The following RBM6 variants were observed in gnomAD, a reference collection of about 807,000 sequenced individuals.
RBM6 encodes the protein RNA binding motif protein 6, also known as RNA-binding protein 6.
A neutral mutation model predicts 140.4 loss-of-function variants in RBM6; 23 were observed. The ratio of observed to expected loss-of-function variants is 0.16; its 90% confidence interval spans 0.12 to 0.23. The LOEUF is 0.23. Ranked by LOEUF, RBM6 falls within the 10% of genes least tolerant of loss-of-function variation. The pLI is 1.00. For missense variants in RBM6, 1,139 were observed against 1,386.7 expected (o/e 0.82, Z 2.84); for synonymous variants, 439 against 475.6 (o/e 0.92, Z 1.00).
chr3:49,996,317 ATGT>A (rs751710969), intron 5 of RBM6, among the ~76,000 whole-genome samples: 12 of 152,196 alleles, frequency 7.9e-5, no homozygotes, highest in Non-Finnish European at 1.2e-4. Context: ...GAAAGATGGT[ATGT>A]TGTTCTTCAC....
chr3:50,026,840 A>G (rs1436997335), intron 6 of RBM6, among the ~76,000 whole-genome samples: 1 of 146,512 alleles, frequency 6.8e-6, no homozygotes, highest in Non-Finnish European at 1.5e-5. Context: ...CCTGGGAGGC[A>G]GTGAGCAGAG....
At chr3:50,001,526 T>C (rs1380910378) in intron 6 of RBM6, among the ~76,000 whole-genome samples, 1 of 152,142 alleles carries the variant, frequency 6.6e-6, no homozygotes, top group Non-Finnish European at 1.5e-5. Flanking sequence ...CTAGAGATGG[T>C]TTAAAGTATG....
chr3:50,069,893 A>AG (rs1186067509), intron 18 of RBM6, among the ~76,000 whole-genome samples: 2 of 152,120 alleles, frequency 1.3e-5, no homozygotes, highest in East Asian at 1.9e-4. Flanking sequence ...TGTATAGTGG[A>AG]GGGCTTGTGT....
chr3:50,074,617 T>C (rs1575897876), intron 19 of RBM6, among the ~76,000 whole-genome samples: 1 of 152,206 alleles, frequency 6.6e-6, no homozygotes, highest in East Asian at 1.9e-4. Flanking sequence ...ATAGCAGACA[T>C]CTACTGTTGC....
At position 49,974,368 on chromosome 3, in the gene RBM6, G is replaced by C. The variant is rs1018520031; in HGVS notation, c.1414-955G>C. Among the ~76,000 whole-genome samples, 16 of 151,498 alleles carry C rather than the reference G, an allele frequency of 1.1e-4. 1 individual carries two copies. The highest frequency in any genetic ancestry group is 3.6e-4 in the African/African-American group (15 of 41,212). ...ATTATAGGTGTGAGCCAGTACTCCT[G>C]GCTAATTTTTTTTTTTTTTTTGAGA... On this transcript the variant is annotated intron_variant, in intron 4 of 20. Coordinates refer to ENST00000266022, the MANE Select transcript of RBM6 (RefSeq NM_005777.3).
At chr3:50,021,498 G>A (rs888328572) in intron 6 of RBM6, among the ~76,000 whole-genome samples, 4 of 151,906 alleles carry the variant, frequency 2.6e-5, no homozygotes, top group Non-Finnish European at 5.9e-5. Context: ...AAATTAGCTG[G>A]GTGTGGTGGC....
At position 50,058,075 on chromosome 3, in the gene RBM6, C is replaced by T. The variant is rs529863187; in HGVS notation, c.1969+72C>T. On this transcript the variant is annotated intron_variant, in intron 9 of 20. Transcript: ENST00000266022. ...GAGCATAGATGGCCAATGTTATGTCCGGGAGCTATCTGCTTTCCAGTACCC... is the reference window on the plus strand; with the variant it reads ...GAGCATAGATGGCCAATGTTATGTCTGGGAGCTATCTGCTTTCCAGTACCC... 4.0e-5 allele frequency: 61 copies of T among 1,521,266 alleles called. 1 individual carries two copies. Among genetic ancestry groups the T allele is most frequent in the South Asian group, 2.8e-4 (22 of 79,446 alleles). 94.2% of individuals were successfully genotyped at this position (1,521,266 alleles called of 1,614,324 possible).
At chr3:49,982,475 C>T (rs1348416458) in intron 5 of RBM6, among the ~76,000 whole-genome samples, 1 of 151,522 alleles carries the variant, frequency 6.6e-6, no homozygotes, top group Non-Finnish European at 1.5e-5. Flanking sequence ...AGTGCAGTGA[C>T]GTGATCTCAG....
intron 1 of RBM6, among the ~76,000 whole-genome samples, chr3:49,950,041 T>A (rs989408960): frequency 6.6e-6 from 1 of 152,098 alleles, no homozygotes; most frequent in Admixed American, 6.6e-5. Flanking sequence ...AATTTTCAAA[T>A]CGAGATATTT....
chr3:50,038,914 T>C (rs2088705970), intron 6 of RBM6, among the ~76,000 whole-genome samples: 1 of 152,194 alleles, frequency 6.6e-6, no homozygotes, highest in Non-Finnish European at 1.5e-5. Context: ...ATGTCCCTAA[T>C]TGCAGTAGGA....
intron 6 of RBM6, among the ~76,000 whole-genome samples, chr3:50,032,752 C>T (rs535560302): frequency 2.6e-5 from 4 of 152,134 alleles, no homozygotes; most frequent in South Asian, 2.1e-4. Flanking sequence ...TTTGGGAGGC[C>T]GAGGCAGGTG....
In RBM6 at chr3:49,975,358, T is replaced by C; in HGVS notation, c.1449T>C (p.Pro483=). The change falls in exon 5 of 21, where the codon CCT becomes CCC. Residue 483 remains proline, a synonymous_variant. Coordinates refer to ENST00000266022, the MANE Select transcript of RBM6 (RefSeq NM_005777.3). ...LNAFRTPDGM[P]VKNLQLKEYN... is the part of the protein sequence containing the mutation. ...CTTTTCGGACTCCTGATGGCATGCCTGTAAAGAACTTGCAGTTGAAGGAGT... is the reference window on the plus strand; with the variant it reads ...CTTTTCGGACTCCTGATGGCATGCCCGTAAAGAACTTGCAGTTGAAGGAGT... 6.2e-7 allele frequency: 1 copy of C among 1,613,930 alleles called. No homozygotes were observed. Among genetic ancestry groups the C allele is most frequent in the Non-Finnish European group, 8.5e-7 (1 of 1,179,782 alleles).
rs772614025 is a variant in RBM6 at position 50,058,456 on chromosome 3, T to C, written c.2024T>C (p.Val675Ala). ...ACACCACCTGAGGTGATAGTGGAAGTGCTGGAGCCCTATGTCCGCCTTACT... is the reference window on the plus strand; with the variant it reads ...ACACCACCTGAGGTGATAGTGGAAGCGCTGGAGCCCTATGTCCGCCTTACT... Reference protein sequence around the residue: ...RSTPPEVIVEVLEPYVRLTTA... With the variant: ...RSTPPEVIVEALEPYVRLTTA... The change falls in exon 10 of 21, where the codon GTG becomes GCG. Residue 675 changes from valine (V) to alanine (A), a missense_variant. Physicochemically the swap from Val to Ala is moderately conservative, Grantham distance 64. Coordinates refer to ENST00000266022, the MANE Select transcript of RBM6 (RefSeq NM_005777.3). The C allele has an allele frequency of 8.1e-5, 131 of 1,608,038 alleles. No homozygotes were observed. The highest frequency in any genetic ancestry group is 1.1e-4 in the Non-Finnish European group (126 of 1,174,596).
At chr3:49,977,755 A>G (rs572873145) in intron 5 of RBM6, among the ~76,000 whole-genome samples, 3 of 152,346 alleles carry the variant, frequency 2.0e-5, no homozygotes, top group South Asian at 2.1e-4. Flanking sequence ...TAGGTCTTAC[A>G]TATCTGTTGA....
chr3:50,031,550 A>G (rs1407298352), intron 6 of RBM6, among the ~76,000 whole-genome samples: 1 of 142,902 alleles, frequency 7.0e-6, no homozygotes, highest in Non-Finnish European at 1.5e-5. Flanking sequence ...TTGGACACAG[A>G]GCGGGGAACA....
intron 6 of RBM6, among the ~76,000 whole-genome samples, chr3:50,008,697 G>A (rs75803708): frequency 0.033 from 4,969 of 152,024 alleles, 306 homozygotes; most frequent in African/African-American, 0.12. Context: ...GGGATTACGG[G>A]CATACACCAC....
intron 1 of RBM6, among the ~76,000 whole-genome samples, chr3:49,951,124 A>C (rs1240703070): frequency 6.6e-6 from 1 of 152,220 alleles, no homozygotes; most frequent in Admixed American, 6.5e-5. Flanking sequence ...ATATAATTTC[A>C]CTTAGACACT....
At chr3:50,061,893 G>T (rs1005778891) in intron 14 of RBM6, 69 bp from the exon 15 acceptor site, 3 of 1,557,896 alleles carry the variant, frequency 1.9e-6, no homozygotes, top group African/African-American at 2.8e-5. Flanking sequence ...GGAACTGTGC[G>T]CCTTAGACCT....
At chr3:49,963,326 C>T (rs532091012) in intron 2 of RBM6, among the ~76,000 whole-genome samples, 5 of 151,832 alleles carry the variant, frequency 3.3e-5, no homozygotes, top group African/African-American at 7.2e-5. Flanking sequence ...ATCCGCCTCC[C>T]GTGTTCAAGT....
Sources: gnomAD v4.1 joint callset for allele counts (sites outside exome capture counted in the v4.1 genomes callset) on GRCh38, gnomAD v4.1.1 for gene constraint, MANE v1.5 for transcripts, NCBI Gene and HGNC (gene_info 2026-07-23, HGNC 2026-07-21) for gene names.